The following PCDH9 variants were observed in gnomAD, a reference collection of about 807,000 sequenced individuals.
PCDH9 encodes the protein protocadherin-9.
In PCDH9, 24 loss-of-function variants were observed where a neutral mutation model predicts 70.6. That is an observed-to-expected ratio of 0.34 (90% CI 0.25 to 0.48). The LOEUF is 0.48. Ranked by LOEUF, PCDH9 falls within the 20% of genes least tolerant of loss-of-function variation. The pLI is 0.99. For synonymous variants in PCDH9, 562 were observed against 558.5 expected (o/e 1.01, Z -0.09); for missense variants, 1,281 against 1,503.6 (o/e 0.85, Z 2.45).
At chr13:67,027,228 C>T (rs1437385486) in intron 2 of PCDH9, among the ~76,000 whole-genome samples, 19 of 152,018 alleles carry the variant, frequency 1.2e-4, no homozygotes, top group East Asian at 7.8e-4. Context: ...TATAGATCAA[C>T]GGAACAGAAC....
chr13:66,860,650 G>A (rs904054833), intron 3 of PCDH9, among the ~76,000 whole-genome samples: 1 of 152,220 alleles, frequency 6.6e-6, no homozygotes, highest in Non-Finnish European at 1.5e-5. Flanking sequence ...TGAACACGCT[G>A]AGGCAGTGGC....
chr13:66,810,924 A>G (rs966165292), intron 3 of PCDH9, among the ~76,000 whole-genome samples: 3 of 151,976 alleles, frequency 2.0e-5, no homozygotes, highest in Non-Finnish European at 4.4e-5. Flanking sequence ...AAAATACAAA[A>G]TTCCCTTTAC....
At chr13:67,148,253 T>C (rs2138377989) in intron 2 of PCDH9, among the ~76,000 whole-genome samples, 1 of 152,200 alleles carries the variant, frequency 6.6e-6, no homozygotes, top group South Asian at 2.1e-4. Flanking sequence ...TGTATTTTTC[T>C]TCCCCTCTGT....
intron 2 of PCDH9, among the ~76,000 whole-genome samples, chr13:67,051,388 T>C (rs962769432): frequency 1.9e-5 from 1 of 51,986 alleles, no homozygotes; most frequent in Admixed American, 2.1e-4. Context: ...CAAGATTTTT[T>C]TTTTTTTTTT....
intron 3 of PCDH9, among the ~76,000 whole-genome samples, chr13:66,840,972 C>T (rs981335582): frequency 6.6e-6 from 1 of 152,100 alleles, no homozygotes; most frequent in African/African-American, 2.4e-5. Context: ...TTGTAGAAGC[C>T]ATTTGGGTAC....
At chr13:66,783,226 T>TC (rs1183012909) in intron 3 of PCDH9, among the ~76,000 whole-genome samples, 1 of 152,172 alleles carries the variant, frequency 6.6e-6, no homozygotes, top group Non-Finnish European at 1.5e-5. Context: ...GAATTTCTTT[T>TC]CTTTTTTGCT....
At chr13:66,722,184 G>A (rs1403570169) in intron 3 of PCDH9, among the ~76,000 whole-genome samples, 1 of 152,120 alleles carries the variant, frequency 6.6e-6, no homozygotes. Flanking sequence ...AGTGCTGCTT[G>A]GCTTTTGAGT....
intron 4 of PCDH9, among the ~76,000 whole-genome samples, chr13:66,440,797 C>A (rs1268377485): frequency 6.6e-6 from 1 of 151,954 alleles, no homozygotes; most frequent in Non-Finnish European, 1.5e-5. Context: ...CCCTCATATT[C>A]TTATTCCTAT....
intron 4 of PCDH9, among the ~76,000 whole-genome samples, chr13:66,555,744 C>A (rs1297718380): frequency 9.2e-6 from 1 of 108,224 alleles, no homozygotes; most frequent in East Asian, 3.1e-4. Context: ...CTATTATGAA[C>A]CTTTGAATGC....
intron 3 of PCDH9, among the ~76,000 whole-genome samples, chr13:66,767,669 T>C (rs1433734612): frequency 6.6e-6 from 1 of 152,056 alleles, no homozygotes; most frequent in African/African-American, 2.4e-5. Context: ...CAATACACAC[T>C]AGAGTGTGGA....
At chr13:66,960,888 G>A (rs1018036070) in intron 2 of PCDH9, among the ~76,000 whole-genome samples, 12 of 151,932 alleles carry the variant, frequency 7.9e-5, no homozygotes, top group African/African-American at 2.4e-4. Context: ...TGTTTCTATT[G>A]AAGGTTAACC....
At chr13:66,674,693 G>A (rs2078220154) in intron 3 of PCDH9, among the ~76,000 whole-genome samples, 1 of 152,004 alleles carries the variant, frequency 6.6e-6, no homozygotes, top group Non-Finnish European at 1.5e-5. Context: ...GGCAATTGTT[G>A]ATATTTAAGT....
At chr13:66,901,460 C>T (rs2082275198) in intron 3 of PCDH9, among the ~76,000 whole-genome samples, 1 of 151,594 alleles carries the variant, frequency 6.6e-6, no homozygotes, top group African/African-American at 2.4e-5. Flanking sequence ...TTCCAGACAA[C>T]CTAGTTCAAA....
At chr13:66,429,011 G>T (rs149469113) in intron 4 of PCDH9, among the ~76,000 whole-genome samples, 10 of 151,880 alleles carry the variant, frequency 6.6e-5, no homozygotes, top group Middle Eastern at 3.4e-3. Flanking sequence ...AGACGAAAGA[G>T]AATTTTAGTT....
Position 67,049,075 on chromosome 13 carries a change from A to T in PCDH9, c.3037-145470T>A, listed in dbSNP as rs140101314. ...AGATATTTCTAATAAGAATAAAATT[A>T]AAAAATGTTTGTTCTCTTTAACATT... is the stretch of plus-strand genomic sequence containing the variant. On this transcript the variant is annotated intron_variant, in intron 2 of 4. Coordinates refer to ENST00000377865, the MANE Select transcript of PCDH9 (RefSeq NM_203487.3). Among the ~76,000 whole-genome samples the T allele has an allele frequency of 3.8e-3, 572 of 152,296 alleles. 5 individuals carry two copies. Among genetic ancestry groups the T allele is most frequent in the African/African-American group, 0.013 (539 of 41,556 alleles).
intron 2 of PCDH9, among the ~76,000 whole-genome samples, chr13:67,053,901 C>T (rs1248056553): frequency 1.3e-5 from 2 of 152,158 alleles, no homozygotes; most frequent in African/African-American, 2.4e-5. Flanking sequence ...ATAAAATGCT[C>T]ATTAAAAATC....
intron 2 of PCDH9, among the ~76,000 whole-genome samples, chr13:67,114,777 A>G (rs1158976687): frequency 6.6e-6 from 1 of 152,246 alleles, no homozygotes; most frequent in Non-Finnish European, 1.5e-5. Context: ...AGTCAATAAC[A>G]AATGTGTCCC....
At chr13:66,429,655 T>G (rs9634932) in intron 4 of PCDH9, among the ~76,000 whole-genome samples, 61,490 of 151,420 alleles carry the variant, frequency 0.41, 12,951 homozygotes, top group South Asian at 0.54. Flanking sequence ...GAGGACATCA[T>G]TCATAATGTC....
chr13:66,868,622 C>T (rs1014022211), intron 3 of PCDH9, among the ~76,000 whole-genome samples: 3 of 151,904 alleles, frequency 2.0e-5, no homozygotes, highest in Admixed American at 1.3e-4. Context: ...CAGACATGAG[C>T]GCATAGTAAA....
Sources: gnomAD v4.1 joint callset for allele counts (sites outside exome capture counted in the v4.1 genomes callset) on GRCh38, gnomAD v4.1.1 for gene constraint, MANE v1.5 for transcripts, NCBI Gene and HGNC (gene_info 2026-07-23, HGNC 2026-07-21) for gene names.